SOX5: variants seen among roughly 807,000 people sequenced by gnomAD.
SOX5 encodes the protein SRY-box transcription factor 5, also known as transcription factor SOX-5.
Under a neutral mutation model 92.0 loss-of-function variants are expected in SOX5, and 9 were observed. The observed-to-expected ratio is 0.10, with a 90% CI of 0.06 to 0.17. The LOEUF is 0.17. Ranked by LOEUF, SOX5 falls within the 10% of genes least tolerant of loss-of-function variation. The probability of loss-of-function intolerance (pLI) is 1.00; values close to 1 mark genes in which losing one functional copy is unlikely to be tolerated. For synonymous variants in SOX5, 344 were observed against 336.3 expected (o/e 1.02, Z -0.25); for missense variants, 642 against 944.5 (o/e 0.68, Z 4.20).
intron 3 of SOX5, among the ~76,000 whole-genome samples, chr12:24,244,906 G>C (rs1181160566): frequency 6.6e-6 from 1 of 152,120 alleles, no homozygotes; most frequent in African/African-American, 2.4e-5. Context: ...GGTCAGGCTA[G>C]TCTCAAACTC....
At chr12:23,561,461 G>GATT (rs1946182870) in intron 11 of SOX5, among the ~76,000 whole-genome samples, 1 of 152,158 alleles carries the variant, frequency 6.6e-6, no homozygotes, top group South Asian at 2.1e-4. Context: ...TATTAGAGAA[G>GATT]ATTAACTCAC....
chr12:24,376,218 A>C (rs1342708610), intron 1 of SOX5, among the ~76,000 whole-genome samples: 3 of 152,168 alleles, frequency 2.0e-5, no homozygotes, highest in Non-Finnish European at 4.4e-5. Flanking sequence ...GAACTTTTGC[A>C]TTTTTTATCT....
At chr12:24,343,718 G>T (rs1207351351) in intron 2 of SOX5, among the ~76,000 whole-genome samples, 1 of 152,072 alleles carries the variant, frequency 6.6e-6, no homozygotes, top group Non-Finnish European at 1.5e-5. Context: ...TTGAATGAAT[G>T]TTCCTGCCAA....
chr12:24,415,574 G>A (rs1009555396), intron 1 of SOX5, among the ~76,000 whole-genome samples: 9 of 152,158 alleles, frequency 5.9e-5, no homozygotes, highest in African/African-American at 2.2e-4. Flanking sequence ...ACCAATTTGT[G>A]AGTTAGGCTG....
chr12:23,821,692 G>C (rs1329818304), intron 3 of SOX5, among the ~76,000 whole-genome samples: 1 of 152,280 alleles, frequency 6.6e-6, no homozygotes, highest in Non-Finnish European at 1.5e-5. Flanking sequence ...TGGTAGATAA[G>C]CTTTTTAATG....
intron 3 of SOX5, among the ~76,000 whole-genome samples, chr12:23,844,584 C>T (rs1205238951): frequency 6.6e-6 from 1 of 152,074 alleles, no homozygotes; most frequent in Non-Finnish European, 1.5e-5. Context: ...CTTTGTATGT[C>T]TGTAACTTCC....
chr12:23,836,358 A>G (rs1300354706), intron 3 of SOX5, among the ~76,000 whole-genome samples: 7 of 151,968 alleles, frequency 4.6e-5, no homozygotes, highest in Admixed American at 3.9e-4. Flanking sequence ...AACAAATAAG[A>G]ATCAGAGCTT....
chr12:24,369,713 G>A (rs903472351), intron 1 of SOX5, among the ~76,000 whole-genome samples: 1 of 152,208 alleles, frequency 6.6e-6, no homozygotes, highest in African/African-American at 2.4e-5. Flanking sequence ...CTGAAGCTGA[G>A]GTTGGTTTTG....
chr12:24,048,523 C>A (rs1957259116), intron 4 of SOX5, among the ~76,000 whole-genome samples: 1 of 151,964 alleles, frequency 6.6e-6, no homozygotes, highest in Admixed American at 6.6e-5. Context: ...TATGTCGACA[C>A]AAAAACTTGT....
chr12:24,316,118 G>C (rs1452989694), intron 2 of SOX5, among the ~76,000 whole-genome samples: 1 of 152,190 alleles, frequency 6.6e-6, no homozygotes, highest in Non-Finnish European at 1.5e-5. Context: ...GGTAATTACA[G>C]AATAAAAATC....
intron 11 of SOX5, 146 bp downstream of exon 11, chr12:23,563,112 G>A (rs1421784683): frequency 1.6e-5 from 10 of 622,538 alleles, no homozygotes; most frequent in Middle Eastern, 4.4e-4. Context: ...TTAGGATGGC[G>A]ATGAGGCCTT....
At chr12:23,877,466 T>C (rs1323048281) in intron 2 of SOX5, among the ~76,000 whole-genome samples, 1 of 152,170 alleles carries the variant, frequency 6.6e-6, no homozygotes, top group East Asian at 1.9e-4. Context: ...TCCTATGAAA[T>C]CATACAATTC....
intron 1 of SOX5, among the ~76,000 whole-genome samples, chr12:24,545,373 CTCTT>C (rs1262756838): frequency 2.0e-5 from 3 of 152,196 alleles, no homozygotes; most frequent in African/African-American, 7.2e-5. Flanking sequence ...GCTCTCCTCT[CTCTT>C]GTTTCACCAT....
At chr12:23,538,298 T>C (rs1324549355) in intron 13 of SOX5, among the ~76,000 whole-genome samples, 4 of 152,222 alleles carry the variant, frequency 2.6e-5, no homozygotes, top group Admixed American at 6.5e-5. Flanking sequence ...TTGGAAGAGA[T>C]ATTGTATTGC....
chr12:23,607,912 G>T (rs546378116), intron 8 of SOX5, among the ~76,000 whole-genome samples: 1 of 152,004 alleles, frequency 6.6e-6, no homozygotes, highest in Admixed American at 6.6e-5. Flanking sequence ...TTATGATAGT[G>T]AAGTTGTCTA....
rs79736744 is a variant in SOX5 at position 24,163,668 on chromosome 12, C to T, written c.-2+49675G>A. On this transcript the variant is annotated intron_variant, in intron 4 of 4. Transcript: ENST00000446891. ...GAAAACAGCATGGGGCATAGGACTT[C>T]AAAATGTTTTTCTGATGATGATTAA... Among the ~76,000 whole-genome samples the T allele has an allele frequency of 9.0e-3, 1,373 of 152,000 alleles. 22 individuals are homozygous for T. The highest frequency in any genetic ancestry group is 0.031 in the African/African-American group (1,289 of 41,454).
chr12:23,736,776 C>T (rs541730657), intron 5 of SOX5, among the ~76,000 whole-genome samples: 9 of 151,322 alleles, frequency 5.9e-5, no homozygotes, highest in Non-Finnish European at 1.3e-4. Flanking sequence ...CTGCAACCAC[C>T]GCCTCCTGAG....
intron 4 of SOX5, among the ~76,000 whole-genome samples, chr12:24,211,037 G>A (rs904023760): frequency 6.6e-6 from 1 of 152,094 alleles, no homozygotes; most frequent in Admixed American, 6.5e-5. Flanking sequence ...TGTAAATGAT[G>A]AACACCACTC....
chr12:24,205,113 T>C (rs1957893804), intron 4 of SOX5, among the ~76,000 whole-genome samples: 1 of 152,204 alleles, frequency 6.6e-6, no homozygotes, highest in African/African-American at 2.4e-5. Flanking sequence ...ATGGCCAAGA[T>C]TAAGCCGTGC....
Sources: gnomAD v4.1 joint callset for allele counts (sites outside exome capture counted in the v4.1 genomes callset) on GRCh38, gnomAD v4.1.1 for gene constraint, MANE v1.5 for transcripts, NCBI Gene and HGNC (gene_info 2026-07-23, HGNC 2026-07-21) for gene names.